KAT14: variants seen among roughly 807,000 people sequenced by gnomAD.
KAT14 encodes lysine acetyltransferase 14.
Under a neutral mutation model 78.4 loss-of-function variants are expected in KAT14, and 66 were observed. The observed-to-expected ratio is 0.84, with a 90% CI of 0.69 to 1.03. KAT14 has a LOEUF of 1.03. Ranked by LOEUF, KAT14 falls within the 50% of genes least tolerant of loss-of-function variation. KAT14 has a pLI of 0.00. For synonymous variants in KAT14, 344 were observed against 359.4 expected, an observed-to-expected ratio of 0.96 and a Z score of 0.48; for missense variants, 870 against 972.5, an observed-to-expected ratio of 0.89 and a Z score of 1.40.
At chr20:18,179,877 G>GA (rs1568674543) in intron 7 of KAT14, among the ~76,000 whole-genome samples, 1 of 150,282 alleles carries the variant, frequency 6.7e-6, no homozygotes, top group African/African-American at 2.4e-5. Context: ...TTTGTTTTTT[G>GA]TTTTTTTTTG....
intron 1 of KAT14, among the ~76,000 whole-genome samples, chr20:18,139,356 C>G (rs1416119390): frequency 6.6e-6 from 1 of 152,146 alleles, no homozygotes; most frequent in African/African-American, 2.4e-5. Context: ...GATGATCTGA[C>G]GTCAGTGAAG....
intron 3 of KAT14, among the ~76,000 whole-genome samples, chr20:18,150,377 A>G (rs141546446): frequency 1.1e-3 from 164 of 152,292 alleles, no homozygotes; most frequent in African/African-American, 3.8e-3. Flanking sequence ...TTTTCAAGAT[A>G]TTTGATAAAG....
rs146143945 is a variant in KAT14 at position 18,150,506 on chromosome 20, T to A, written c.379-315T>A. On this transcript the variant is annotated intron_variant, in intron 3 of 10. Coordinates refer to ENST00000688188, the MANE Select transcript of KAT14 (RefSeq NM_001392073.1). Reference sequence around the variant, plus strand: ...GTAGGGTGCGGGATCCTTGGGACAATGCCTGTTTATCAGCTGATTCAGGGG... The same window carrying A: ...GTAGGGTGCGGGATCCTTGGGACAAAGCCTGTTTATCAGCTGATTCAGGGG... Among the ~76,000 whole-genome samples the A allele has an allele frequency of 4.6e-3, 694 of 152,184 alleles. 4 individuals carry two copies. The highest frequency in any genetic ancestry group is 0.014 in the Middle Eastern group (4 of 294).
intron 9 of KAT14, among the ~76,000 whole-genome samples, chr20:18,183,785 G>A (rs1415014981): frequency 6.6e-6 from 1 of 152,188 alleles, no homozygotes; most frequent in Non-Finnish European, 1.5e-5. Flanking sequence ...CATTTTATCA[G>A]CCTTAACAAA....
intron 7 of KAT14, among the ~76,000 whole-genome samples, chr20:18,178,118 C>A (rs202167547): frequency 5.0e-4 from 62 of 124,348 alleles, no homozygotes; most frequent in Non-Finnish European, 9.0e-4. Context: ...AAAAAAAAAA[C>A]AAAAAACAAA....
chr20:18,163,373 G>A (rs899136993), intron 7 of KAT14, among the ~76,000 whole-genome samples: 1 of 152,220 alleles, frequency 6.6e-6, no homozygotes, highest in Non-Finnish European at 1.5e-5. Context: ...CAAGGGATCA[G>A]TGTGGTATCA....
upstream of KAT14, chr20:18,137,817 C>A: frequency 5.6e-6 from 5 of 891,672 alleles, no homozygotes; most frequent in Non-Finnish European, 7.7e-6. Context: ...CGCCTGGCAG[C>A]GGCGAGCGGC....
At chr20:18,141,679 T>G (rs2037588070) in intron 1 of KAT14, among the ~76,000 whole-genome samples, 1 of 151,994 alleles carries the variant, frequency 6.6e-6, no homozygotes, top group South Asian at 2.1e-4. Context: ...AGATCAGGAG[T>G]TCGAGACCAG....
chr20:18,144,967 T>C (rs1183036197), intron 2 of KAT14: 2 of 709,580 alleles, frequency 2.8e-6, no homozygotes, highest in Non-Finnish European at 3.8e-6. Context: ...AATGTGACAA[T>C]TGGGAAATCC....
At chr20:18,181,958 C>G in intron 8 of KAT14, 112 bp downstream of exon 8, 2 of 1,488,350 alleles carry the variant, frequency 1.3e-6, no homozygotes. Flanking sequence ...CTGTGAACAA[C>G]ATTGGCAAGG....
In KAT14 at chr20:18,160,644, G is replaced by A. The variant is rs560294594; in HGVS notation, c.683-1179G>A. ...TAAAAAGTAATAGAGATAGGGTCTCGCCATGTTTCCTGGGCTGGTCTTGAA... is the reference window on the plus strand; with the variant it reads ...TAAAAAGTAATAGAGATAGGGTCTCACCATGTTTCCTGGGCTGGTCTTGAA... On this transcript the variant is annotated intron_variant, in intron 5 of 10. Transcript: ENST00000688188. Among the ~76,000 whole-genome samples the A allele has an allele frequency of 1.4e-4, 21 of 151,866 alleles. No individual in the cohort carries two copies. The East Asian group carries it at 3.7e-3, about 27-fold the overall frequency.
intron 7 of KAT14, among the ~76,000 whole-genome samples, chr20:18,173,868 A>G (rs62205117): frequency 0.095 from 14,397 of 152,210 alleles, 828 homozygotes; most frequent in Middle Eastern, 0.17. Context: ...CAATTCACCT[A>G]TTTAAAGTGT....
chr20:18,180,684 G>T (rs1028733242), intron 7 of KAT14, among the ~76,000 whole-genome samples: 1 of 152,130 alleles, frequency 6.6e-6, no homozygotes, highest in African/African-American at 2.4e-5. Context: ...CATGGCAGGA[G>T]GTGAAAGACA....
intron 7 of KAT14, among the ~76,000 whole-genome samples, chr20:18,164,907 C>A (rs1372444925): frequency 6.6e-6 from 1 of 152,054 alleles, no homozygotes; most frequent in Admixed American, 6.6e-5. Flanking sequence ...CAGGCATGAG[C>A]CATTGCGCCT....
rs1568669495 is a variant in KAT14, at chr20:18,164,611, C to CTTTTTTTTTTTTT, written c.1668+1668_1668+1669insTTTTTTTTTTTTT. ...TTTGTTAGTCATCTATTCACTTGTT[C>CTTTTTTTTTTTTT]TTGTTCTTTTTTTTTTTTTTTTTGA... On this transcript the variant is annotated intron_variant, in intron 7 of 10. Coordinates refer to ENST00000688188, the MANE Select transcript of KAT14 (RefSeq NM_001392073.1). Among the ~76,000 whole-genome samples, 2 of 42,492 alleles carry CTTTTTTTTTTTTT rather than the reference C, an allele frequency of 4.7e-5. 1 individual carries two copies. The highest frequency in any genetic ancestry group is 1.1e-4 in the Non-Finnish European group (2 of 17,942). 27.9% of individuals were successfully genotyped at this position (42,492 alleles called of 152,430 possible).
chr20:18,159,304 C>G (rs2038333402), intron 5 of KAT14, 39 bp downstream of exon 5: 1 of 1,597,832 alleles, frequency 6.3e-7, no homozygotes, highest in Admixed American at 1.8e-5. Flanking sequence ...GCTAGTCAGA[C>G]CAGAGCCAAG....
intron 8 of KAT14, among the ~76,000 whole-genome samples, 188 bp from the exon 9 acceptor site, chr20:18,182,935 G>A (rs1876967028): frequency 6.6e-6 from 1 of 152,160 alleles, no homozygotes; most frequent in South Asian, 2.1e-4. Flanking sequence ...TTGGCCTGAT[G>A]AATGTTCAGA....
At position 18,184,583 on chromosome 20, in the gene KAT14, G is replaced by C. The variant is rs777682309; in HGVS notation, c.1982-19G>C. 1.3e-6 allele frequency: 2 copies of C among 1,591,292 alleles called. No homozygotes were observed. The highest frequency in any genetic ancestry group is 1.8e-5 in the Admixed American group (1 of 54,554). Reference sequence around the variant, plus strand: ...TCAAAGGCATGTGGTTTGAGTCTCCGATGGTTTCTTTTCTTTAGGCATTGA... The same window carrying C: ...TCAAAGGCATGTGGTTTGAGTCTCCCATGGTTTCTTTTCTTTAGGCATTGA... On this transcript the variant is annotated intron_variant, in intron 9 of 10. Coordinates refer to ENST00000688188, the MANE Select transcript of KAT14 (RefSeq NM_001392073.1).
chr20:18,179,645 A>G (rs2039175853), intron 7 of KAT14, among the ~76,000 whole-genome samples: 2 of 152,088 alleles, frequency 1.3e-5, no homozygotes, highest in Admixed American at 1.3e-4. Context: ...CAGGTCTGTG[A>G]TGGGAGGGGC....
Sources: gnomAD v4.1 joint callset for allele counts (sites outside exome capture counted in the v4.1 genomes callset) on GRCh38, gnomAD v4.1.1 for gene constraint, MANE v1.5 for transcripts, NCBI Gene and HGNC (gene_info 2026-07-23, HGNC 2026-07-21) for gene names.